PRKAR1B: variants seen among roughly 807,000 people sequenced by gnomAD.
The protein encoded by PRKAR1B is protein kinase cAMP-dependent type I regulatory subunit beta.
In PRKAR1B, 22 loss-of-function variants were observed where a neutral mutation model predicts 46.5. That is an observed-to-expected ratio of 0.47 (90% CI 0.34 to 0.68). The LOEUF (loss-of-function observed/expected upper bound fraction) is 0.68. PRKAR1B is among the 30% of genes least tolerant of loss of function. PRKAR1B has a pLI of 0.01. For synonymous variants in PRKAR1B, 259 were observed against 217.7 expected (o/e 1.19, Z -1.67); for missense variants, 445 against 535.6 (o/e 0.83, Z 1.67).
chr7:601,157 G>C (rs532686589), intron 6 of PRKAR1B, among the ~76,000 whole-genome samples: 1 of 152,206 alleles, frequency 6.6e-6, no homozygotes, highest in Non-Finnish European at 1.5e-5. Flanking sequence ...CTTGGCCAGC[G>C]CAGTTAAATA....
At chr7:631,583 G>A (rs1052808883) in intron 4 of PRKAR1B, among the ~76,000 whole-genome samples, 5 of 152,226 alleles carry the variant, frequency 3.3e-5, no homozygotes, top group African/African-American at 9.6e-5. Context: ...TGGAAAAGCC[G>A]GGGCACGGTG....
chr7:653,810 C>G (rs1785037142), intron 4 of PRKAR1B, among the ~76,000 whole-genome samples: 1 of 152,124 alleles, frequency 6.6e-6, no homozygotes, highest in South Asian at 2.1e-4. Flanking sequence ...ATAACTAGTG[C>G]TCATCACCCT....
At chr7:621,700 A>G (rs1462039023) in intron 4 of PRKAR1B, among the ~76,000 whole-genome samples, 2 of 152,242 alleles carry the variant, frequency 1.3e-5, no homozygotes, top group African/African-American at 4.8e-5. Context: ...CTTCCTGGCC[A>G]TCACCTCATC....
chr7:660,590 C>A (rs1273405468), intron 4 of PRKAR1B, among the ~76,000 whole-genome samples: 1 of 107,412 alleles, frequency 9.3e-6, no homozygotes, highest in African/African-American at 3.8e-5. Context: ...CAGGTCCCCA[C>A]CCCAACAGAT....
At chr7:601,530 A>G (rs1039656060) in intron 6 of PRKAR1B, among the ~76,000 whole-genome samples, 5 of 152,070 alleles carry the variant, frequency 3.3e-5, no homozygotes, top group African/African-American at 1.2e-4. Context: ...TGTGGCCTTC[A>G]CCCACACGGG....
chr7:660,767 T>A (rs372116902), intron 4 of PRKAR1B, among the ~76,000 whole-genome samples: 1 of 36,268 alleles, frequency 2.8e-5, no homozygotes. Context: ...TACTCTCCCC[T>A]CCATAGCACA....
chr7:565,242 T>C (rs1411382558), intron 9 of PRKAR1B: 2 of 152,098 alleles, frequency 1.3e-5, no homozygotes, highest in Admixed American at 1.3e-4. Context: ...ACCCCAAAGG[T>C]GTCCAGCTTG....
At chr7:594,270 G>A (rs1311957338) in intron 7 of PRKAR1B, among the ~76,000 whole-genome samples, 3 of 152,150 alleles carry the variant, frequency 2.0e-5, no homozygotes, top group Non-Finnish European at 4.4e-5. Flanking sequence ...CTGGCCTCGG[G>A]CATGGAGTGG....
At chr7:620,563 G>A (rs908349374) in intron 4 of PRKAR1B, among the ~76,000 whole-genome samples, 9 of 152,008 alleles carry the variant, frequency 5.9e-5, no homozygotes, top group South Asian at 2.1e-4. Flanking sequence ...GAAGGAATCC[G>A]TATTTTTAAA....
At chr7:670,829 G>A (rs1786207346) in intron 4 of PRKAR1B, among the ~76,000 whole-genome samples, 1 of 151,060 alleles carries the variant, frequency 6.6e-6, no homozygotes, top group Admixed American at 6.6e-5. Flanking sequence ...GTGGCATCCG[G>A]CAGCGGGGCT....
At chr7:551,571 C>A in intron 9 of PRKAR1B, 101 bp from the exon 10 acceptor site, 1 of 1,146,942 alleles carries the variant, frequency 8.7e-7, no homozygotes, top group East Asian at 2.6e-5. Flanking sequence ...CAAACCCCCA[C>A]CTCCCACCCA....
chr7:561,515 G>A (rs574843604), intron 9 of PRKAR1B, among the ~76,000 whole-genome samples: 2 of 152,238 alleles, frequency 1.3e-5, no homozygotes, highest in South Asian at 2.1e-4. Context: ...CCTGAGCTGC[G>A]TGCAGGCTCC....
intron 8 of PRKAR1B, among the ~76,000 whole-genome samples, chr7:582,549 G>A (rs1359411090): frequency 6.6e-6 from 1 of 152,266 alleles, no homozygotes; most frequent in Non-Finnish European, 1.5e-5. Flanking sequence ...TTAATCAGAG[G>A]AACATAAATG....
chr7:603,931 AAGT>A (rs66472852), intron 6 of PRKAR1B, among the ~76,000 whole-genome samples: 15,236 of 148,434 alleles, frequency 0.1, 1,053 homozygotes, highest in African/African-American at 0.2. Context: ...GAGGGGCTAT[AAGT>A]AGTAGCATGA....
In PRKAR1B at chr7:637,502, A is replaced by G. The variant is rs191597461; in HGVS notation, c.441-30050T>C. On this transcript the variant is annotated intron_variant, in intron 4 of 10. Coordinates refer to ENST00000537384, the MANE Select transcript of PRKAR1B (RefSeq NM_001164760.2). ...GAAAAAATAAAATGTTCATTTCCTG[A>G]TATTTGTAAATCTTCAGTGCACCTT... Among the ~76,000 whole-genome samples, 337 of 152,350 alleles carry G rather than the reference A, an allele frequency of 2.2e-3. 7 individuals carry two copies. Among genetic ancestry groups the G allele is most frequent in the Admixed American group, 0.02 (310 of 15,294 alleles).
chr7:572,294 A>G (rs1005389412), intron 9 of PRKAR1B, among the ~76,000 whole-genome samples: 1 of 152,166 alleles, frequency 6.6e-6, no homozygotes, highest in Non-Finnish European at 1.5e-5. Context: ...ATATTTTCCA[A>G]CAGCTGTGGG....
chr7:680,520 C>T (rs1434439145), intron 3 of PRKAR1B, 36 bp downstream of exon 3: 4 of 1,575,644 alleles, frequency 2.5e-6, no homozygotes, highest in Non-Finnish European at 3.4e-6. Flanking sequence ...CGTGCCGAGG[C>T]CTGGGGACAG....
chr7:596,139 A>C lies in PRKAR1B; in HGVS notation c.708+7T>G. 6.2e-7 allele frequency: 1 copy of C among 1,610,500 alleles called. No individual in the cohort carries two copies. Among genetic ancestry groups the C allele is most frequent in the Non-Finnish European group, 8.5e-7 (1 of 1,177,430 alleles). On this transcript the variant is annotated splice_region_variant and intron_variant, in intron 7 of 10. Coordinates refer to ENST00000537384, the MANE Select transcript of PRKAR1B (RefSeq NM_001164760.2). ...TTGGCCTTCTCTGTGCTTGGGCACCAACTCACCATAAGGATGCGCCGGTAG... is the reference window on the plus strand; with the variant it reads ...TTGGCCTTCTCTGTGCTTGGGCACCCACTCACCATAAGGATGCGCCGGTAG...
intron 4 of PRKAR1B, among the ~76,000 whole-genome samples, chr7:656,298 A>G (rs1785182351): frequency 6.6e-6 from 1 of 152,208 alleles, no homozygotes; most frequent in Non-Finnish European, 1.5e-5. Context: ...GAGTGGATAC[A>G]TGAGCTAATG....
Sources: gnomAD v4.1 joint callset for allele counts (sites outside exome capture counted in the v4.1 genomes callset) on GRCh38, gnomAD v4.1.1 for gene constraint, MANE v1.5 for transcripts, NCBI Gene and HGNC (gene_info 2026-07-23, HGNC 2026-07-21) for gene names.